ZNF219: variants seen among roughly 807,000 people sequenced by gnomAD.
ZNF219 encodes the protein zinc finger protein 219.
ZNF219 carries 17 observed loss-of-function variants against 54.4 expected under a neutral mutation model. The observed-to-expected ratio is 0.31, with a 90% CI of 0.21 to 0.47. ZNF219 has a LOEUF of 0.47. ZNF219 is among the 20% of genes least tolerant of loss of function. ZNF219 has a pLI of 1.00. For missense variants in ZNF219, 1,014 were observed against 1,062.3 expected (o/e 0.95, Z 0.63); for synonymous variants, 518 against 476.4 (o/e 1.09, Z -1.14).
Position 21,092,226 on chromosome 14 carries a change from C to A in ZNF219, c.1071G>T (p.Leu357Phe). The change falls in exon 3 of 5, where the codon TTG (leucine) becomes TTT (phenylalanine). Residue 357 changes from leucine (L) to phenylalanine (F), a missense_variant. This residue lies in a region of ZNF219 where 272 missense variants were observed against 248.9 expected (regional missense o/e 1.09). Transcript: ENST00000360947. ...PDLGLLAYEP[L>F]GPALLLAPAP... ...CCGGGGCCAAGAGGAGCGCTGGGCC[C>A]AACGGCTCATAGGCCAGCAGGCCGA... The A allele has an allele frequency of 6.9e-7, 1 of 1,448,888 alleles. No homozygotes were observed. Among genetic ancestry groups the A allele is most frequent in the Non-Finnish European group, 9.0e-7 (1 of 1,106,430 alleles). 89.8% of individuals were successfully genotyped at this position (1,448,888 alleles called of 1,614,324 possible). A position where few individuals can be genotyped will look rare whatever the true frequency, so the allele number is the denominator to read the frequency against.
In ZNF219 at chr14:21,091,403, TC is replaced by T; in HGVS notation, c.1564+7del. Reference sequence around the variant, plus strand: ...TCCCCTCTCCACGCCGGAGGCTGCCTCCCTCACCTGTGTGCACTCGCAGATG... The same window carrying T: ...TCCCCTCTCCACGCCGGAGGCTGCCTCCTCACCTGTGTGCACTCGCAGATG... On this transcript the variant is annotated splice_region_variant and intron_variant, in intron 4 of 4. Coordinates refer to ENST00000360947, the MANE Select transcript of ZNF219 (RefSeq NM_016423.3). The T allele has an allele frequency of 1.3e-6, 2 of 1,588,878 alleles. No homozygotes were observed. The highest frequency in any genetic ancestry group is 1.7e-6 in the Non-Finnish European group (2 of 1,159,678).
chr14:21,096,412 C>T (rs1485934875), intron 1 of ZNF219, among the ~76,000 whole-genome samples: 2 of 152,202 alleles, frequency 1.3e-5, no homozygotes, highest in Non-Finnish European at 2.9e-5. Context: ...CATATCAAAC[C>T]AGGTTCCAGA....
intron 3 of ZNF219, 32 bp downstream of exon 3, chr14:21,091,833 G>T (rs755852480): frequency 6.7e-7 from 1 of 1,492,024 alleles, no homozygotes; most frequent in South Asian, 1.4e-5. Context: ...GGAGGACGCG[G>T]CGTACCCGGA....
upstream of ZNF219, chr14:21,102,877 G>A: frequency 6.8e-7 from 1 of 1,471,498 alleles, no homozygotes; most frequent in East Asian, 2.5e-5. Context: ...TAATGGGGCA[G>A]GAGAGAAAAG....
chr14:21,090,605 C>G lies in ZNF219; in HGVS notation c.2100G>C (p.Ser700=). Residue 700 remains serine (S), a synonymous_variant, in exon 5 of 5, where the codon TCG becomes TCC. Transcript: ENST00000360947. The surrounding 1 kb of genome is among the most constrained non-coding windows in gnomAD (Gnocchi z 4.4). ...GCCCGGAGCCCTCCTCCCCTTCCTGCGAAGGACTGGGAGGGGTCTCTCCTG... is the reference window on the plus strand; with the variant it reads ...GCCCGGAGCCCTCCTCCCCTTCCTGGGAAGGACTGGGAGGGGTCTCTCCTG... ...VPSGETPPSP[S]QEGEEGSGLS... The G allele has an allele frequency of 6.2e-7, 1 of 1,610,724 alleles. No individual in the cohort carries two copies. The highest frequency in any genetic ancestry group is 1.7e-4 in the Middle Eastern group (1 of 6,052).
chr14:21,091,204 C>A, intron 4 of ZNF219, 64 bp from the exon 5 acceptor site: 1 of 1,536,258 alleles, frequency 6.5e-7, no homozygotes, highest in Non-Finnish European at 8.7e-7. Context: ...ACCCGAATTT[C>A]GCCCAATTTA....
intron 1 of ZNF219, 56 bp from the exon 2 acceptor site, chr14:21,093,730 G>C: frequency 1.3e-6 from 2 of 1,487,926 alleles, no homozygotes; most frequent in South Asian, 1.2e-5. Context: ...CAGCAGTAAA[G>C]TCACTCCCTA....
At chr14:21,094,287 AG>A in intron 1 of ZNF219, 1 of 440,052 alleles carries the variant, frequency 2.3e-6, no homozygotes, top group Non-Finnish European at 4.6e-6. Flanking sequence ...AGGGGCATGA[AG>A]GGGGAGGGAG....
At chr14:21,101,542 C>T, upstream of ZNF219, 1 of 1,226,412 alleles carries the variant, frequency 8.2e-7, no homozygotes, top group Non-Finnish European at 1.1e-6. Flanking sequence ...TAAGTGAGCA[C>T]CTACCATGTG....
At chr14:21,102,520 T>G, upstream of ZNF219, 1 of 1,551,664 alleles carries the variant, frequency 6.4e-7, no homozygotes, top group African/African-American at 1.4e-5. Context: ...TCCCAGGTAC[T>G]GGTCAATGAA....
In ZNF219 at chr14:21,090,908, G is replaced by T. The variant is rs1012374587; in HGVS notation, c.1797C>A (p.Ser599Arg). The change falls in exon 5 of 5, where the codon AGC becomes AGA. Residue 599 changes from serine (S) to arginine (R), a missense_variant. Ser to Arg is a moderately radical substitution (Grantham distance 110). This residue lies in a region of ZNF219 where 281 missense variants were observed against 271.2 expected (regional missense o/e 1.04). Transcript: ENST00000360947. The surrounding 1 kb of genome is among the most constrained non-coding windows in gnomAD (Gnocchi z 4.4). The stretch of plus-strand genomic sequence containing the variant: ...TCCGACGGGACCCCGGCCCAGCACC[G>T]CTAGAAGGAGGCCGGGGACTTGAGG... ...EGASSPRPPS[S>R]GAGPGSRRKP... The T allele has an allele frequency of 5.2e-6, 8 of 1,549,636 alleles. No homozygotes were observed. The African/African-American group carries it at 5.4e-5, about 11-fold the overall frequency.
rs1408680216 is a variant in ZNF219, at chr14:21,093,568, A to C, written c.6+18T>G. On this transcript the variant is annotated intron_variant, in intron 2 of 4. Coordinates refer to ENST00000360947, the MANE Select transcript of ZNF219 (RefSeq NM_016423.3). ...ACAGTTGTAGGTACTTGTAGGTTGA[A>C]GCCAGAGCTTCACTCACCTCCATGG... The C allele has an allele frequency of 6.2e-7, 1 of 1,613,230 alleles. No individual in the cohort carries two copies. Among genetic ancestry groups the C allele is most frequent in the Admixed American group, 1.7e-5 (1 of 60,018 alleles).
rs1566547379 is a variant in ZNF219 at position 21,091,533 on chromosome 14, C to T, written c.1442G>A (p.Gly481Glu). ...AGGCCGGGTCCCTCCAACCAACAGCCCATTCTCTTCTGCAACACATACGTT... is the reference window on the plus strand; with the variant it reads ...AGGCCGGGTCCCTCCAACCAACAGCTCATTCTCTTCTGCAACACATACGTT... The part of the protein sequence containing the change: ...ARSTATQEEN[G>E]LLVGGTRPEG... The change falls in exon 4 of 5, where the codon GGG becomes GAG. Residue 481 changes from glycine to glutamate, a missense_variant. Gly to Glu is a moderately conservative substitution (Grantham distance 98). Coordinates refer to ENST00000360947, the MANE Select transcript of ZNF219 (RefSeq NM_016423.3). 6.2e-7 allele frequency: 1 copy of T among 1,601,214 alleles called. No individual in the cohort carries two copies. The highest frequency in any genetic ancestry group is 8.5e-7 in the Non-Finnish European group (1 of 1,170,074).
chr14:21,101,828 G>T, upstream of ZNF219: 1 of 1,504,844 alleles, frequency 6.6e-7, no homozygotes. Context: ...GGGAATCCCT[G>T]ACAGTTCCTC....
upstream of ZNF219, chr14:21,103,871 A>C (rs1384103685): frequency 6.5e-6 from 1 of 152,802 alleles, no homozygotes; most frequent in Non-Finnish European, 1.5e-5. Context: ...CAGCCACTGC[A>C]ATAGAGAGCT....
At chr14:21,093,981 C>T (rs190629209) in intron 1 of ZNF219, among the ~76,000 whole-genome samples, 1 of 152,298 alleles carries the variant, frequency 6.6e-6, no homozygotes, top group Admixed American at 6.5e-5. Flanking sequence ...TGCCCCTCTC[C>T]CATGTAGGTT....
chr14:21,092,830 T>C lies in ZNF219; in HGVS notation c.467A>G (p.Gln156Arg). The change falls in exon 3 of 5, where the codon CAG becomes CGG. Residue 156 changes from glutamine (Q) to arginine (R), a missense_variant. Gln to Arg is a conservative substitution (Grantham distance 43). Around this residue, in one of 5 missense-constraint regions of ZNF219, gnomAD observed 395 missense variants for 415.1 expected, o/e 0.95. Coordinates refer to ENST00000360947, the MANE Select transcript of ZNF219 (RefSeq NM_016423.3). ...TPATEGLARP[Q>R]APSSSAFRCP... ...ACGGAAGGCGGACGATGAAGGAGCC[T>C]GGGGCCGCGCCAGACCCTCAGTGGC... The C allele has an allele frequency of 1.3e-6, 2 of 1,572,346 alleles. No individual in the cohort carries two copies. Among genetic ancestry groups the C allele is most frequent in the Non-Finnish European group, 1.7e-6 (2 of 1,159,598 alleles).
upstream of ZNF219, chr14:21,101,510 C>A: frequency 7.5e-7 from 1 of 1,324,698 alleles, no homozygotes; most frequent in South Asian, 1.3e-5. Context: ...CAATTCAATT[C>A]CATCCATCCA....
upstream of ZNF219, chr14:21,098,760 T>TC: frequency 8.0e-7 from 1 of 1,256,106 alleles, no homozygotes; most frequent in Admixed American, 2.6e-5. Context: ...ATCTCGTCCT[T>TC]CCCCCAGCCT....
Sources: gnomAD v4.1 joint callset for allele counts (sites outside exome capture counted in the v4.1 genomes callset) on GRCh38, gnomAD v4.1.1 for gene constraint, gnomAD v4.1.1 regional missense constraint, Gnocchi (gnomAD v3.1) non-coding constraint, MANE v1.5 for transcripts, NCBI Gene and HGNC (gene_info 2026-07-23, HGNC 2026-07-21) for gene names.